The following TENM2 variants were observed in gnomAD, a reference collection of about 807,000 sequenced individuals.
TENM2 encodes teneurin transmembrane protein 2.
In TENM2, 52 loss-of-function variants were observed where a neutral mutation model predicts 245.2. The observed-to-expected ratio is 0.21, with a 90% confidence interval of 0.17 to 0.27. TENM2 has a LOEUF of 0.27. Ranked by LOEUF, TENM2 falls within the 10% of genes least tolerant of loss-of-function variation. The pLI, the probability that TENM2 is intolerant of heterozygous loss-of-function variation, is 1.00. For synonymous variants in TENM2, 1,363 were observed against 1,438.9 expected, an observed-to-expected ratio of 0.95 and a Z score of 1.19; for missense variants, 3,046 against 3,666.8, an observed-to-expected ratio of 0.83 and a Z score of 4.37.
At chr5:168,260,163 C>A in intron 27 of TENM2, 120 bp from the exon 30 acceptor site, 1 of 1,014,612 alleles carries the variant, frequency 9.9e-7, no homozygotes, top group Non-Finnish European at 1.5e-6. Context: ...TAAGCTCTTC[C>A]TCCCTCCCCT....
At chr5:168,110,641 G>A (rs1794607484) in intron 9 of TENM2, among the ~76,000 whole-genome samples, 1 of 152,162 alleles carries the variant, frequency 6.6e-6, no homozygotes, top group African/African-American at 2.4e-5. Context: ...CGGGTAATAG[G>A]ACACCAACAA....
At chr5:168,142,397 G>A (rs1248503237) in intron 12 of TENM2, among the ~76,000 whole-genome samples, 1 of 152,208 alleles carries the variant, frequency 6.6e-6, no homozygotes, top group Non-Finnish European at 1.5e-5. Flanking sequence ...CCAGTGAGAT[G>A]GGGTTATGCT....
At chr5:167,355,916 C>T (rs573440759) in intron 1 of TENM2, among the ~76,000 whole-genome samples, 3 of 146,158 alleles carry the variant, frequency 2.1e-5, no homozygotes, top group South Asian at 4.3e-4. Flanking sequence ...GGTGCCGTGG[C>T]TCACACCTGT....
intron 2 of TENM2, among the ~76,000 whole-genome samples, chr5:167,566,893 G>A (rs1773942045): frequency 6.6e-6 from 1 of 152,162 alleles, no homozygotes; most frequent in African/African-American, 2.4e-5. Flanking sequence ...TTAAGGGGTT[G>A]TTCCAATTAC....
chr5:168,229,834 T>G (rs2152626735), intron 25 of TENM2: 1 of 152,344 alleles, frequency 6.6e-6, no homozygotes, highest in Non-Finnish European at 1.5e-5. Flanking sequence ...TGCTGGTATC[T>G]GCAAAGTTGC....
At chr5:167,290,506 T>C (rs1011121108) in intron 1 of TENM2, among the ~76,000 whole-genome samples, 1 of 152,212 alleles carries the variant, frequency 6.6e-6, no homozygotes. Context: ...AATAATACTT[T>C]GGTGCAACAG....
intron 2 of TENM2, among the ~76,000 whole-genome samples, chr5:167,605,514 G>A (rs1448879453): frequency 6.6e-6 from 1 of 152,198 alleles, no homozygotes; most frequent in Non-Finnish European, 1.5e-5. Context: ...AGTGAGAAGT[G>A]TTCCCCTGGA....
intron 3 of TENM2, among the ~76,000 whole-genome samples, chr5:167,920,241 C>G (rs1008083476): frequency 6.6e-6 from 1 of 150,436 alleles, no homozygotes; most frequent in Admixed American, 6.6e-5. Flanking sequence ...CCTGTAATCC[C>G]AACACATTGG....
intron 2 of TENM2, among the ~76,000 whole-genome samples, chr5:167,396,900 T>G (rs1267659548): frequency 6.6e-6 from 1 of 152,128 alleles, no homozygotes; most frequent in Non-Finnish European, 1.5e-5. Flanking sequence ...TCTTAACTCC[T>G]GATGATGGAT....
At chr5:167,128,279 G>A in the TENM2 span, among the ~76,000 whole-genome samples, 1 of 152,100 alleles carries the variant, frequency 6.6e-6, no homozygotes, top group African/African-American at 2.4e-5. Flanking sequence ...TACAAAGTCC[G>A]CCATGAACCG....
At chr5:167,916,384 T>A (rs1194576464) in intron 3 of TENM2, among the ~76,000 whole-genome samples, 1 of 152,108 alleles carries the variant, frequency 6.6e-6, no homozygotes, top group Non-Finnish European at 1.5e-5. Flanking sequence ...AGGACTTGGT[T>A]GGTGAAAAAT....
At chr5:167,887,340 G>C (rs1457736891) in intron 3 of TENM2, among the ~76,000 whole-genome samples, 1 of 152,204 alleles carries the variant, frequency 6.6e-6, no homozygotes, top group South Asian at 2.1e-4. Flanking sequence ...GTAGAGATAC[G>C]CTCAAGAGCT....
At chr5:168,047,394 A>G in intron 5 of TENM2, 33 bp from the exon 8 acceptor site, 1 of 1,551,362 alleles carries the variant, frequency 6.4e-7, no homozygotes, top group Non-Finnish European at 8.7e-7. Flanking sequence ...TGAATTATCT[A>G]TTCATATTTT....
the TENM2 span, among the ~76,000 whole-genome samples, chr5:167,216,279 G>A: frequency 6.6e-6 from 1 of 152,158 alleles, no homozygotes; most frequent in Non-Finnish European, 1.5e-5. Flanking sequence ...GTAATTGGAT[G>A]GATTTTTTTC....
At chr5:168,001,306 G>A (rs1784406161) in intron 5 of TENM2, among the ~76,000 whole-genome samples, 1 of 152,202 alleles carries the variant, frequency 6.6e-6, no homozygotes, top group Non-Finnish European at 1.5e-5. Context: ...GTGATTCCCT[G>A]AAATCGAGAG....
chr5:167,191,794 A>G, the TENM2 span, among the ~76,000 whole-genome samples: 1,390 of 152,086 alleles, frequency 9.1e-3, 18 homozygotes, highest in African/African-American at 0.031. Flanking sequence ...CAATTTTTTT[A>G]GGTGTGCTTA....
intron 2 of TENM2, among the ~76,000 whole-genome samples, chr5:167,780,223 A>T (rs192535581): frequency 6.6e-6 from 1 of 152,316 alleles, no homozygotes; most frequent in East Asian, 1.9e-4. Context: ...ATAACAGTCG[A>T]TCCTTGTGAT....
At chr5:167,418,380 C>T (rs1763291796) in intron 2 of TENM2, among the ~76,000 whole-genome samples, 2 of 151,642 alleles carry the variant, frequency 1.3e-5, no homozygotes, top group Admixed American at 6.6e-5. Context: ...TTCTTCAATA[C>T]AATACTTTGG....
chr5:167,084,366 T>TATATATATATATACACAC, the TENM2 span, among the ~76,000 whole-genome samples: 1 of 114,898 alleles, frequency 8.7e-6, no homozygotes, highest in Non-Finnish European at 1.9e-5. Context: ...TATATATATA[T>TATATATATATATACACAC]ACAGATCAGA....
Sources: gnomAD v4.1 joint callset for allele counts (sites outside exome capture counted in the v4.1 genomes callset) on GRCh38, gnomAD v4.1.1 for gene constraint, MANE v1.5 for transcripts, NCBI Gene and HGNC (gene_info 2026-07-23, HGNC 2026-07-21) for gene names.